Variants in SAMD3 observed in about 807,000 individuals in gnomAD.
The protein encoded by SAMD3 is sterile alpha motif domain containing 3.
In SAMD3, 63 loss-of-function variants were observed where a neutral mutation model predicts 58.5. The observed-to-expected ratio is 1.08, with a 90% CI of 0.88 to 1.33. The LOEUF (loss-of-function observed/expected upper bound fraction) is 1.33. Ranked by LOEUF, SAMD3 falls within the 40% of genes most tolerant of loss-of-function variation. The pLI, the probability that SAMD3 is intolerant of heterozygous loss-of-function variation, is 0.00. For synonymous variants in SAMD3, 220 were observed against 210.3 expected (o/e 1.05, Z -0.40); for missense variants, 604 against 608.4 (o/e 0.99, Z 0.08).
chr6:130,288,640 G>A lies in SAMD3; in HGVS notation c.-188+24338C>T, dbSNP rs575966502. 4.1e-4 allele frequency among the ~76,000 whole-genome samples: 63 copies of A among 152,258 alleles called. No homozygotes were observed. In the South Asian group the frequency reaches 1.0e-2, roughly 24 times the overall value. On this transcript the variant is annotated intron_variant, in intron 2 of 13. Transcript: ENST00000368134. ...CCAATGTAAAAGGAGAAATGTGGAT[G>A]GAAACTAATGTGGATGTTTAGGTAA...
chr6:130,213,804 T>C (rs1183046383), intron 4 of SAMD3, among the ~76,000 whole-genome samples: 3 of 152,200 alleles, frequency 2.0e-5, no homozygotes, highest in Admixed American at 6.5e-5. Flanking sequence ...GGGTGTTTCA[T>C]AGTGTTCATT....
intron 9 of SAMD3, among the ~76,000 whole-genome samples, chr6:130,146,825 T>C (rs1243789004): frequency 6.6e-6 from 1 of 151,182 alleles, no homozygotes; most frequent in Non-Finnish European, 1.5e-5. Flanking sequence ...ACACAAAAAT[T>C]AGCTGGGCAT....
At chr6:130,321,317 C>A (rs1035987997) in intron 1 of SAMD3, among the ~76,000 whole-genome samples, 5 of 152,096 alleles carry the variant, frequency 3.3e-5, no homozygotes, top group African/African-American at 7.2e-5. Context: ...TGTCACTGGC[C>A]ATGTGAGTGA....
intron 2 of SAMD3, among the ~76,000 whole-genome samples, chr6:130,258,619 A>G (rs748301444): frequency 2.0e-5 from 3 of 152,214 alleles, no homozygotes; most frequent in Non-Finnish European, 2.9e-5. Context: ...CACACACAAA[A>G]GAGTCTTTAT....
rs113237825 is a variant in SAMD3 at position 130,166,906 on chromosome 6, C to G, written c.822+8935G>C. Among the ~76,000 whole-genome samples the G allele has an allele frequency of 1.4e-3, 209 of 152,302 alleles. 2 individuals are homozygous for G. Among genetic ancestry groups the G allele is most frequent in the African/African-American group, 4.7e-3 (194 of 41,564 alleles). ...ATTGGCAGGAATACAGGGATCTGCA[C>G]TGGTGTGGGAGTGAGACTAGCAAAG... On this transcript the variant is annotated intron_variant, in intron 8 of 11. Transcript: ENST00000439090.
At chr6:130,188,937 A>T (rs1486649943) in intron 5 of SAMD3, among the ~76,000 whole-genome samples, 1 of 151,878 alleles carries the variant, frequency 6.6e-6, no homozygotes, top group Non-Finnish European at 1.5e-5. Context: ...TCCTCAGAGA[A>T]CTCATCCAGC....
At chr6:130,246,238 T>C (rs1773541807) in intron 2 of SAMD3, among the ~76,000 whole-genome samples, 1 of 152,256 alleles carries the variant, frequency 6.6e-6, no homozygotes, top group African/African-American at 2.4e-5. Context: ...GTACCTTGTT[T>C]TATAGATTTA....
rs758781754 is a variant in SAMD3, at chr6:130,145,992, T to A, written c.1195+18A>T. The A allele has an allele frequency of 1.4e-6, 2 of 1,402,372 alleles. No individual in the cohort carries two copies. The highest frequency in any genetic ancestry group is 1.9e-6 in the Non-Finnish European group (2 of 1,067,746). 86.9% of individuals were successfully genotyped at this position (1,402,372 alleles called of 1,614,324 possible). A position where few individuals can be genotyped will look rare whatever the true frequency, so the allele number is the denominator to read the frequency against. ...TAAATAACAGATGAAATCACACCAC[T>A]CCATAAGGTTTACTAACATTTCAAC... On this transcript the variant is annotated intron_variant, in intron 10 of 11. Coordinates refer to ENST00000439090, the MANE Select transcript of SAMD3 (RefSeq NM_001017373.4).
At chr6:130,339,819 A>T (rs1777216419) in intron 1 of SAMD3, among the ~76,000 whole-genome samples, 1 of 152,172 alleles carries the variant, frequency 6.6e-6, no homozygotes, top group Admixed American at 6.5e-5. Flanking sequence ...GTGTAGAAAA[A>T]ATATCAGTAG....
chr6:130,345,658 C>T (rs1015247555), intron 1 of SAMD3, among the ~76,000 whole-genome samples: 1 of 151,774 alleles, frequency 6.6e-6, no homozygotes, highest in African/African-American at 2.4e-5. Context: ...ATGGCAGGCC[C>T]TTGGCACCTG....
At chr6:130,198,024 T>C (rs969927054) in intron 5 of SAMD3, among the ~76,000 whole-genome samples, 1 of 152,150 alleles carries the variant, frequency 6.6e-6, no homozygotes, top group South Asian at 2.1e-4. Context: ...ACTGAGTACC[T>C]TGTGACCCCC....
intron 1 of SAMD3, among the ~76,000 whole-genome samples, chr6:130,323,459 G>C (rs78010355): frequency 4.0e-5 from 5 of 125,230 alleles, no homozygotes; most frequent in African/African-American, 1.6e-4. Flanking sequence ...TTTTTTTTTT[G>C]TATGATGAGT....
At chr6:130,299,835 C>G (rs1775686582) in intron 2 of SAMD3, among the ~76,000 whole-genome samples, 1 of 152,152 alleles carries the variant, frequency 6.6e-6, no homozygotes, top group Non-Finnish European at 1.5e-5. Context: ...AGGAACATCT[C>G]TGTGCACACA....
At chr6:130,340,997 G>A (rs1364081194) in intron 1 of SAMD3, among the ~76,000 whole-genome samples, 2 of 152,192 alleles carry the variant, frequency 1.3e-5, no homozygotes, top group African/African-American at 4.8e-5. Flanking sequence ...AATGATGCCA[G>A]AAACATTAAA....
At chr6:130,324,620 T>G (rs1464331810) in intron 1 of SAMD3, among the ~76,000 whole-genome samples, 4 of 152,174 alleles carry the variant, frequency 2.6e-5, no homozygotes, top group African/African-American at 9.7e-5. Flanking sequence ...TTAAAGAAAG[T>G]AGGTTAAAAT....
At chr6:130,265,061 G>C (rs935775429) in intron 2 of SAMD3, among the ~76,000 whole-genome samples, 5 of 152,170 alleles carry the variant, frequency 3.3e-5, no homozygotes, top group Non-Finnish European at 5.9e-5. Context: ...CCCATGCTGT[G>C]GTGACTTTAA....
At chr6:130,355,338 C>T (rs772360379) in intron 1 of SAMD3, among the ~76,000 whole-genome samples, 18 of 152,168 alleles carry the variant, frequency 1.2e-4, no homozygotes, top group Non-Finnish European at 2.5e-4. Context: ...GCAGGAGAAT[C>T]ATTTGAACCT....
rs200714770 is a variant in SAMD3 at position 130,321,811 on chromosome 6, G to GA, written c.-303-8719dup. 7.7e-3 allele frequency among the ~76,000 whole-genome samples: 1,168 copies of GA among 151,024 alleles called. 14 individuals are homozygous for GA. Among genetic ancestry groups the GA allele is most frequent in the African/African-American group, 0.027 (1,105 of 41,196 alleles). On this transcript the variant is annotated intron_variant, in intron 1 of 13. Coordinates refer to the SAMD3 transcript ENST00000368134. ...TATTTGACACCTTTATATAAAATTT[G>GA]AAAAAAAAGTCTAGACTATAAGGCA...
At chr6:130,264,654 C>A (rs775968694) in intron 2 of SAMD3, among the ~76,000 whole-genome samples, 1 of 152,170 alleles carries the variant, frequency 6.6e-6, no homozygotes, top group African/African-American at 2.4e-5. Flanking sequence ...AATACCAGAT[C>A]AATTTAAAGC....
Sources: gnomAD v4.1 joint callset for allele counts (sites outside exome capture counted in the v4.1 genomes callset) on GRCh38, gnomAD v4.1.1 for gene constraint, MANE v1.5 for transcripts, NCBI Gene and HGNC (gene_info 2026-07-23, HGNC 2026-07-21) for gene names.